LAMA3: variants seen among roughly 807,000 people sequenced by gnomAD.
LAMA3 encodes the protein laminin subunit alpha-3.
In LAMA3, 281 loss-of-function variants were observed where a neutral mutation model predicts 402.0. The ratio of observed to expected loss-of-function variants is 0.70; its 90% CI spans 0.63 to 0.77. The LOEUF (loss-of-function observed/expected upper bound fraction) is 0.77. Ranked by LOEUF, LAMA3 falls within the 30% of genes least tolerant of loss-of-function variation. The probability of loss-of-function intolerance (pLI) is 0.00; values close to 1 mark genes in which losing one functional copy is unlikely to be tolerated. For synonymous variants in LAMA3, 1,431 were observed against 1,558.4 expected (o/e 0.92, Z 1.93); for missense variants, 3,840 against 4,215.5 (o/e 0.91, Z 2.47).
At chr18:23,773,664 A>C (rs1483100657) in intron 9 of LAMA3, 77 bp downstream of exon 9, 2 of 896,186 alleles carry the variant, frequency 2.2e-6, no homozygotes, top group Non-Finnish European at 3.6e-6. Context: ...ACTTTGGATC[A>C]GTTAATAACT....
intron 56 of LAMA3, among the ~76,000 whole-genome samples, chr18:23,913,520 C>A (rs62093185): frequency 2.2e-3 from 333 of 152,302 alleles, no homozygotes; most frequent in Non-Finnish European, 3.3e-3. Flanking sequence ...AAATACATTT[C>A]TTTGACATAA....
intron 12 of LAMA3, among the ~76,000 whole-genome samples, chr18:23,804,634 G>A (rs2062927904): frequency 6.6e-6 from 1 of 152,154 alleles, no homozygotes; most frequent in African/African-American, 2.4e-5. Context: ...GACCCCTGAT[G>A]TAGGACAGTG....
chr18:23,829,047 A>G (rs1212257076), intron 23 of LAMA3, among the ~76,000 whole-genome samples: 1 of 152,192 alleles, frequency 6.6e-6, no homozygotes, highest in Non-Finnish European at 1.5e-5. Context: ...CCTATAATCA[A>G]ACAGGTTAAT....
chr18:23,885,935 A>G (rs2065059104), intron 41 of LAMA3, among the ~76,000 whole-genome samples: 1 of 152,136 alleles, frequency 6.6e-6, no homozygotes, highest in Non-Finnish European at 1.5e-5. Context: ...AACCCTTAAA[A>G]AAAAAAGTAG....
Position 23,909,035 on chromosome 18 carries a change from C to T in LAMA3, c.7016-118C>T, listed in dbSNP as rs370709449. The T allele has an allele frequency of 1.5e-3, 1,401 of 926,318 alleles. 23 individuals are homozygous for T. In the South Asian group the frequency reaches 0.018, roughly 12 times the overall value. The allele number at this position is 926,318 out of a possible 1,614,324, so 57.4% of individuals were successfully genotyped here. On this transcript the variant is annotated intron_variant, in intron 54 of 74. Coordinates refer to ENST00000313654, the MANE Select transcript of LAMA3 (RefSeq NM_198129.4). ...ACTACCGTAACTAATTATGACCCAT[C>T]CTGTTCAACATCTGGGGACCAAACA...
At chr18:23,914,256 A>G (rs1441960920) in intron 56 of LAMA3, among the ~76,000 whole-genome samples, 154 bp from the exon 57 acceptor site, 2 of 152,222 alleles carry the variant, frequency 1.3e-5, no homozygotes, top group East Asian at 1.9e-4. Flanking sequence ...TGCATTCTAT[A>G]TTATTCTATA....
Position 23,750,540 on chromosome 18 carries a change from A to G in LAMA3, c.685-378A>G, listed in dbSNP as rs116921444. 9.4e-4 allele frequency among the ~76,000 whole-genome samples: 109 copies of G among 115,530 alleles called. No homozygotes were observed. The East Asian group carries it at 0.029, about 30-fold the overall frequency. 75.8% of individuals were successfully genotyped at this position (115,530 alleles called of 152,430 possible). A position where few individuals can be genotyped will look rare whatever the true frequency, so the allele number is the denominator to read the frequency against. On this transcript the variant is annotated intron_variant, in intron 4 of 74. Coordinates refer to ENST00000313654, the MANE Select transcript of LAMA3 (RefSeq NM_198129.4). The stretch of plus-strand genomic sequence containing the variant: ...CTCATGTAGATTTTTGGGTTACTTT[A>G]GCTTTGTTTCTTTGATGCAGCTTAA...
chr18:23,838,558 A>G (rs1424571459), intron 25 of LAMA3, among the ~76,000 whole-genome samples: 3 of 152,236 alleles, frequency 2.0e-5, no homozygotes, highest in Admixed American at 2.0e-4. Context: ...GTATTTCAGC[A>G]GTAATTCAGT....
At chr18:23,841,046 A>G (rs917365389) in intron 27 of LAMA3, among the ~76,000 whole-genome samples, 10 of 152,200 alleles carry the variant, frequency 6.6e-5, no homozygotes, top group African/African-American at 1.9e-4. Context: ...GATGGTTTGC[A>G]TGTGTTCACA....
rs369668673 is a variant in LAMA3 at position 23,914,513 on chromosome 18, C to G, written c.7433C>G (p.Thr2478Ser). ...EAELQVDQIL[T>S]KSETKEAVMD... Reference sequence around the variant, plus strand: ...GAACTCCAAGTGGACCAGATCTTGACCAAGAGTGAGACTAAGGAGGCAGTT... The same window carrying G: ...GAACTCCAAGTGGACCAGATCTTGAGCAAGAGTGAGACTAAGGAGGCAGTT... Residue 2478 changes from threonine (T) to serine (S), a missense_variant, in exon 57 of 75, where the codon ACC becomes AGC. Physicochemically the swap from Thr to Ser is moderately conservative, Grantham distance 58 (BLOSUM62 1). Coordinates refer to ENST00000313654, the MANE Select transcript of LAMA3 (RefSeq NM_198129.4). 2.5e-6 allele frequency: 4 copies of G among 1,614,096 alleles called. No individual in the cohort carries two copies. The highest frequency in any genetic ancestry group is 3.4e-6 in the Non-Finnish European group (4 of 1,180,016).
intron 12 of LAMA3, among the ~76,000 whole-genome samples, chr18:23,808,237 G>T (rs2063001522): frequency 6.6e-6 from 1 of 152,014 alleles, no homozygotes; most frequent in Non-Finnish European, 1.5e-5. Flanking sequence ...GATATAAAAT[G>T]GCACAGTATT....
At chr18:23,787,660 G>C (rs2062571903) in intron 12 of LAMA3, among the ~76,000 whole-genome samples, 2 of 152,186 alleles carry the variant, frequency 1.3e-5, no homozygotes, top group Admixed American at 1.3e-4. Flanking sequence ...CAAGAAGGCA[G>C]TGAGAGCGTA....
At chr18:23,834,752 T>A (rs2063550533) in intron 24 of LAMA3, 1 of 152,244 alleles carries the variant, frequency 6.6e-6, no homozygotes, top group African/African-American at 2.4e-5. Context: ...ACTTTCATGT[T>A]GCTTTTTGTC....
rs970136618 is a variant in LAMA3 at position 23,954,873 on chromosome 18, A to T, written c.*225A>T. On this transcript the variant is annotated 3_prime_UTR_variant, in exon 75 of 75. Transcript: ENST00000313654. ...ATTTCTTGAAGATAAAAAAATTGTT[A>T]TTCAAATTGTTATGCACAGAATGTT... 28 of 561,560 alleles carry T rather than the reference A, an allele frequency of 5.0e-5. No individual in the cohort carries two copies. Among genetic ancestry groups the T allele is most frequent in the Non-Finnish European group, 8.6e-5 (27 of 315,188 alleles). The allele number at this position is 561,560 out of a possible 1,614,324, so 34.8% of individuals were successfully genotyped here. A position where few individuals can be genotyped will look rare whatever the true frequency, so the allele number is the denominator to read the frequency against.
At position 23,839,908 on chromosome 18, in the gene LAMA3, G is replaced by C; in HGVS notation, c.3315G>C (p.Gly1105=). The C allele has an allele frequency of 6.2e-7, 1 of 1,614,072 alleles. No individual in the cohort carries two copies. The highest frequency in any genetic ancestry group is 8.5e-7 in the Non-Finnish European group (1 of 1,180,022). ...QSSPSVDVLP[G]VTLKAPQNQV... ...CACCTTCTGTTGATGTTCTTCCTGGGGTCACCTTGAAGGCACCGCAGGTAG... is the reference window on the plus strand; with the variant it reads ...CACCTTCTGTTGATGTTCTTCCTGGCGTCACCTTGAAGGCACCGCAGGTAG... The change falls in exon 27 of 75, where the codon GGG becomes GGC. Residue 1105 remains glycine (G), a synonymous_variant. Transcript: ENST00000313654. The surrounding 1 kb of genome is among the most constrained non-coding windows in gnomAD (Gnocchi z 4.5).
At chr18:23,929,676 C>T (rs575387084) in intron 64 of LAMA3, among the ~76,000 whole-genome samples, 1 of 152,320 alleles carries the variant, frequency 6.6e-6, no homozygotes, top group African/African-American at 2.4e-5. Context: ...GGCCACCCCT[C>T]TCTTGGTGGC....
chr18:23,776,761 C>A (rs1449285532), intron 10 of LAMA3, among the ~76,000 whole-genome samples: 3 of 151,966 alleles, frequency 2.0e-5, no homozygotes, highest in Non-Finnish European at 4.4e-5. Flanking sequence ...GGAGACTGTC[C>A]TACTTTGGTT....
At position 23,905,631 on chromosome 18, in the gene LAMA3, G is replaced by A; in HGVS notation, c.6718+7G>A. ...CAAAAGAAGCTAAAGCAAGGTATTA[G>A]GGGGAGTGGGCAATGGCAGGGATAG... On this transcript the variant is annotated splice_region_variant and intron_variant, in intron 52 of 74. Coordinates refer to ENST00000313654, the MANE Select transcript of LAMA3 (RefSeq NM_198129.4). 2 of 1,522,702 alleles carry A rather than the reference G, an allele frequency of 1.3e-6. No homozygotes were observed. The highest frequency in any genetic ancestry group is 1.1e-5 in the South Asian group (1 of 88,980). 94.3% of individuals were successfully genotyped at this position (1,522,702 alleles called of 1,614,324 possible). A position where few individuals can be genotyped will look rare whatever the true frequency, so the allele number is the denominator to read the frequency against.
chr18:23,949,379 T>A (rs569209576), intron 70 of LAMA3, among the ~76,000 whole-genome samples: 3 of 152,346 alleles, frequency 2.0e-5, no homozygotes, highest in Admixed American at 6.5e-5. Context: ...GTGAAATCTG[T>A]GAACTGTAAG....
Sources: allele counts gnomAD v4.1 joint callset (sites outside exome capture counted in the v4.1 genomes callset), GRCh38; gene constraint gnomAD v4.1.1; non-coding constraint Gnocchi (gnomAD v3.1); transcripts MANE v1.5; gene names NCBI Gene and HGNC (gene_info 2026-07-23, HGNC 2026-07-21).